The following RUNX1 variants were observed in gnomAD, a reference collection of about 807,000 sequenced individuals.
The protein encoded by RUNX1 is runt-related transcription factor 1.
A neutral mutation model predicts 42.8 loss-of-function variants in RUNX1; 19 were observed. That is an observed-to-expected ratio of 0.44 (90% CI 0.31 to 0.65). The LOEUF (loss-of-function observed/expected upper bound fraction) is 0.65. RUNX1 is among the 30% of genes least tolerant of loss of function. The probability of loss-of-function intolerance (pLI) is 0.07; values close to 1 mark genes in which losing one functional copy is unlikely to be tolerated. For synonymous variants in RUNX1, 271 were observed against 289.4 expected (o/e 0.94, Z 0.64); for missense variants, 528 against 672.0 (o/e 0.79, Z 2.37).
intron 2 of RUNX1, among the ~76,000 whole-genome samples, chr21:34,991,801 A>G (rs895160986): frequency 3.3e-5 from 5 of 152,172 alleles, no homozygotes; most frequent in African/African-American, 1.2e-4. Context: ...GTAACTGGTT[A>G]AGACGAGGTC....
chr21:34,950,556 C>T (rs570559052), intron 2 of RUNX1, among the ~76,000 whole-genome samples: 2 of 152,198 alleles, frequency 1.3e-5, no homozygotes, highest in South Asian at 4.1e-4. Flanking sequence ...CCGGCCAACA[C>T]GGCAAAACCC....
chr21:34,891,727 C>T (rs1046048747), intron 3 of RUNX1, among the ~76,000 whole-genome samples: 6 of 151,020 alleles, frequency 4.0e-5, no homozygotes, highest in Non-Finnish European at 7.4e-5. Flanking sequence ...AAAAATACAA[C>T]GAAGCGATAC....
chr21:35,026,840 T>A (rs990032284), intron 2 of RUNX1, among the ~76,000 whole-genome samples: 1 of 152,236 alleles, frequency 6.6e-6, no homozygotes, highest in African/African-American at 2.4e-5. Context: ...GCAGCTCTGG[T>A]GCGCAGCGCG....
At chr21:34,975,157 A>G (rs186430604) in intron 2 of RUNX1, among the ~76,000 whole-genome samples, 1 of 152,368 alleles carries the variant, frequency 6.6e-6, no homozygotes, top group African/African-American at 2.4e-5. Flanking sequence ...GTGGTGGAGG[A>G]AAAGACTTCC....
chr21:34,919,872 A>G (rs1418733450), intron 2 of RUNX1, among the ~76,000 whole-genome samples: 1 of 152,204 alleles, frequency 6.6e-6, no homozygotes, highest in East Asian at 1.9e-4. Flanking sequence ...ATCCTGAATT[A>G]GTGCTGTATT....
rs192059992 is a variant in RUNX1, at chr21:34,913,364, T to C, written c.59-20401A>G. ...AAGGAAGAAACCTGTTGGGTTCTGA[T>C]GCGGGGCTGTTCACCCACAAAAGAA... On this transcript the variant is annotated intron_variant, in intron 2 of 8. Transcript: ENST00000675419. Among the ~76,000 whole-genome samples the C allele has an allele frequency of 2.4e-4, 36 of 152,292 alleles. No individual in the cohort carries two copies. The East Asian group carries it at 6.2e-3, about 26-fold the overall frequency.
At chr21:34,892,477 C>T (rs573500186) in intron 3 of RUNX1, among the ~76,000 whole-genome samples, 1 of 152,152 alleles carries the variant, frequency 6.6e-6, no homozygotes, top group South Asian at 2.1e-4. Flanking sequence ...CTTCATAAAC[C>T]CATTGTGTAC....
chr21:34,847,020 A>G (rs4817695), intron 6 of RUNX1, among the ~76,000 whole-genome samples: 49,461 of 152,046 alleles, frequency 0.33, 8,309 homozygotes, highest in East Asian at 0.49. Flanking sequence ...GGCGAGCAGC[A>G]TATATAAAAA....
At chr21:35,041,414 AT>A (rs1330402898) in intron 2 of RUNX1, among the ~76,000 whole-genome samples, 2 of 152,218 alleles carry the variant, frequency 1.3e-5, no homozygotes, top group Non-Finnish European at 2.9e-5. Context: ...GACCTTTCCC[AT>A]TTGAGGCCCC....
intron 7 of RUNX1, among the ~76,000 whole-genome samples, chr21:34,809,277 C>T (rs1233878621): frequency 6.6e-6 from 1 of 152,020 alleles, no homozygotes; most frequent in Non-Finnish European, 1.5e-5. Flanking sequence ...CTTTCTGCTC[C>T]CTTCTACTCC....
chr21:34,860,541 G>T (rs1024929408), intron 5 of RUNX1, among the ~76,000 whole-genome samples: 2 of 151,886 alleles, frequency 1.3e-5, no homozygotes, highest in African/African-American at 2.4e-5. Flanking sequence ...GTGTGTGTGT[G>T]TGTGTGTGTG....
intron 2 of RUNX1, among the ~76,000 whole-genome samples, chr21:34,995,205 T>A (rs2058984785): frequency 6.6e-6 from 1 of 152,198 alleles, no homozygotes; most frequent in Non-Finnish European, 1.5e-5. Context: ...CCTTTGGCCC[T>A]ACACATCAGA....
Position 34,886,837 on chromosome 21 carries a change from C to A in RUNX1, c.351+6G>T, listed in dbSNP as rs544853243. ...TGTCCTCCCACCACCCTCTCCGGGC[C>A]AGTACCTTGAAAGCGATGGGCAGGG... On this transcript the variant is annotated splice_donor_region_variant and intron_variant, in intron 4 of 8. Transcript: ENST00000675419. 4 of 1,612,982 alleles carry A rather than the reference C, an allele frequency of 2.5e-6. No individual in the cohort carries two copies. The African/African-American group carries it at 5.3e-5, about 21-fold the overall frequency.
intron 6 of RUNX1, among the ~76,000 whole-genome samples, chr21:34,836,688 G>A (rs2057151790): frequency 6.6e-6 from 1 of 152,234 alleles, no homozygotes; most frequent in Non-Finnish European, 1.5e-5. Context: ...GTCGGCAAAG[G>A]CTGCCGGCAG....
At chr21:34,826,272 C>A (rs1284684839) in intron 7 of RUNX1, among the ~76,000 whole-genome samples, 1 of 151,956 alleles carries the variant, frequency 6.6e-6, no homozygotes, top group Admixed American at 6.6e-5. Context: ...TGGTGAAGTG[C>A]CTTTGTTATA....
At chr21:34,997,995 G>A (rs1300569570) in intron 2 of RUNX1, among the ~76,000 whole-genome samples, 2 of 152,164 alleles carry the variant, frequency 1.3e-5, no homozygotes, top group African/African-American at 4.8e-5. Context: ...GGCACATCCA[G>A]GGCCATCTCT....
chr21:34,807,629 TCA>T (rs2056698074), intron 7 of RUNX1, among the ~76,000 whole-genome samples: 1 of 152,154 alleles, frequency 6.6e-6, no homozygotes, highest in Non-Finnish European at 1.5e-5. Context: ...CAGATTCACC[TCA>T]GTCATGGGGA....
At chr21:35,021,465 G>C (rs963596572) in intron 2 of RUNX1, among the ~76,000 whole-genome samples, 1 of 152,166 alleles carries the variant, frequency 6.6e-6, no homozygotes, top group Admixed American at 6.5e-5. Flanking sequence ...TCCAAACATA[G>C]TCACTTAAAT....
intron 2 of RUNX1, among the ~76,000 whole-genome samples, chr21:34,944,837 A>G (rs76758589): frequency 6.6e-6 from 1 of 152,242 alleles, no homozygotes; most frequent in East Asian, 1.9e-4. Flanking sequence ...GACTAACTAT[A>G]TGAAAGACAG....
Sources: gnomAD v4.1 joint callset for allele counts (sites outside exome capture counted in the v4.1 genomes callset) on GRCh38, gnomAD v4.1.1 for gene constraint, MANE v1.5 for transcripts, NCBI Gene and HGNC (gene_info 2026-07-23, HGNC 2026-07-21) for gene names.